LINGO2: variants seen among roughly 807,000 people sequenced by gnomAD.
The protein encoded by LINGO2 is leucine-rich repeat and immunoglobulin-like domain-containing nogo receptor-interacting protein 2.
In LINGO2, 14 loss-of-function variants were observed where a neutral mutation model predicts 30.6. The ratio of observed to expected loss-of-function variants is 0.46; its 90% confidence interval spans 0.30 to 0.72. LINGO2 has a LOEUF of 0.72. Ranked by LOEUF, LINGO2 falls within the 30% of genes least tolerant of loss-of-function variation. The pLI is 0.07. For missense variants in LINGO2, 729 were observed against 751.7 expected (o/e 0.97, Z 0.35); for synonymous variants, 317 against 288.5 (o/e 1.10, Z -1.00).
chr9:29,197,963 C>G, the LINGO2 span, among the ~76,000 whole-genome samples: 4 of 152,060 alleles, frequency 2.6e-5, no homozygotes, highest in South Asian at 8.3e-4. Context: ...GTGAATTTAA[C>G]TATTTGTGCA....
chr9:28,862,241 A>T, the LINGO2 span, among the ~76,000 whole-genome samples: 1 of 152,146 alleles, frequency 6.6e-6, no homozygotes, highest in South Asian at 2.1e-4. Flanking sequence ...ATACAGTCCT[A>T]TGAAAAATAA....
chr9:28,372,945 AT>A (rs1234073085), intron 2 of LINGO2, 77 bp from the exon 5 acceptor site: 3 of 152,414 alleles, frequency 2.0e-5, no homozygotes, highest in Non-Finnish European at 4.4e-5. Flanking sequence ...TCAAAAAGAC[AT>A]TTTCTTTATT....
At chr9:29,095,313 A>G in the LINGO2 span, among the ~76,000 whole-genome samples, 4 of 139,012 alleles carry the variant, frequency 2.9e-5, 1 homozygote, top group African/African-American at 1.1e-4. Context: ...CTATGGCAAT[A>G]GCTAACAAGA....
intron 3 of LINGO2, among the ~76,000 whole-genome samples, chr9:28,344,142 G>A (rs1039781491): frequency 2.0e-5 from 3 of 151,682 alleles, no homozygotes; most frequent in Non-Finnish European, 4.4e-5. Flanking sequence ...AACATTATTG[G>A]TAACAAAAAA....
chr9:28,131,786 A>G (rs1409365852), intron 4 of LINGO2, among the ~76,000 whole-genome samples: 3 of 152,190 alleles, frequency 2.0e-5, no homozygotes, highest in Non-Finnish European at 2.9e-5. Context: ...ATCAAAGGTA[A>G]CAAAATTTAT....
intron 4 of LINGO2, among the ~76,000 whole-genome samples, chr9:28,226,709 G>GAGAA (rs1169709134): frequency 6.6e-6 from 1 of 150,844 alleles, no homozygotes; most frequent in South Asian, 2.1e-4. Context: ...GAAAGAGAAA[G>GAGAA]AGAAAGAAAG....
At chr9:28,620,798 G>GA (rs886871128) in intron 1 of LINGO2, among the ~76,000 whole-genome samples, 69 of 152,068 alleles carry the variant, frequency 4.5e-4, no homozygotes, top group African/African-American at 1.7e-3. Context: ...GATACACAAA[G>GA]AAGAACAACA....
chr9:27,980,900 T>C (rs1820822583), intron 5 of LINGO2, among the ~76,000 whole-genome samples: 1 of 151,836 alleles, frequency 6.6e-6, no homozygotes, highest in South Asian at 2.1e-4. Flanking sequence ...ACATAATGAA[T>C]TAGGAACTAA....
intron 3 of LINGO2, among the ~76,000 whole-genome samples, chr9:28,348,153 G>A (rs1169365821): frequency 1.3e-5 from 2 of 152,080 alleles, no homozygotes; most frequent in African/African-American, 2.4e-5. Flanking sequence ...AGCCAAGATG[G>A]CCGAATAGGA....
At chr9:28,260,256 T>TA (rs397969027) in intron 4 of LINGO2, among the ~76,000 whole-genome samples, 2 of 151,554 alleles carry the variant, frequency 1.3e-5, no homozygotes, top group African/African-American at 4.8e-5. Context: ...TTTTTTTTTT[T>TA]ACTTGGGAAA....
At chr9:28,706,452 G>T in the LINGO2 span, among the ~76,000 whole-genome samples, 4 of 152,102 alleles carry the variant, frequency 2.6e-5, no homozygotes, top group Admixed American at 6.6e-5. Flanking sequence ...TGTTACTTAG[G>T]ATTAGTCTAT....
At chr9:28,139,875 T>A (rs1287098058) in intron 4 of LINGO2, among the ~76,000 whole-genome samples, 2 of 152,350 alleles carry the variant, frequency 1.3e-5, no homozygotes, top group African/African-American at 4.8e-5. Flanking sequence ...ACTCCCTTAC[T>A]AATCCTCTTG....
intron 1 of LINGO2, among the ~76,000 whole-genome samples, chr9:28,662,013 C>T (rs561464103): frequency 6.6e-6 from 1 of 152,280 alleles, no homozygotes; most frequent in Admixed American, 6.5e-5. Flanking sequence ...ATGGAAATGG[C>T]ACTTTCAGAA....
At chr9:27,943,414 C>T (rs1399886869), downstream of LINGO2, 2 of 152,108 alleles carry the variant, frequency 1.3e-5, no homozygotes, top group Non-Finnish European at 2.9e-5. Flanking sequence ...GAAGTACTCT[C>T]TTGATTATGC....
chr9:28,101,086 C>T (rs554019769), intron 4 of LINGO2, among the ~76,000 whole-genome samples: 1 of 151,234 alleles, frequency 6.6e-6, no homozygotes, highest in Non-Finnish European at 1.5e-5. Context: ...GAAATGATTT[C>T]TGTTTTTAAA....
chr9:27,981,653 G>T (rs1401791981), intron 5 of LINGO2, among the ~76,000 whole-genome samples: 2 of 150,108 alleles, frequency 1.3e-5, no homozygotes, highest in East Asian at 4.0e-4. Context: ...GACTGCTGTT[G>T]TTCCCCTCTT....
chr9:27,945,735 T>G (rs1348710078), downstream of LINGO2, among the ~76,000 whole-genome samples: 2 of 152,088 alleles, frequency 1.3e-5, no homozygotes, highest in Non-Finnish European at 2.9e-5. Context: ...AACCCTTTTG[T>G]GAAACTGAGT....
At chr9:28,944,943 A>C in the LINGO2 span, among the ~76,000 whole-genome samples, 1 of 152,184 alleles carries the variant, frequency 6.6e-6, no homozygotes. Flanking sequence ...TACTCTACTG[A>C]TGCTTTTCAA....
chr9:28,377,058 T>C (rs1564160559), intron 2 of LINGO2, among the ~76,000 whole-genome samples: 1 of 150,852 alleles, frequency 6.6e-6, no homozygotes, highest in South Asian at 2.1e-4. Flanking sequence ...TTAGTAGATA[T>C]GTACAAACAC....
Sources: allele counts gnomAD v4.1 joint callset (sites outside exome capture counted in the v4.1 genomes callset), GRCh38; gene constraint gnomAD v4.1.1; transcripts MANE v1.5; gene names NCBI Gene and HGNC (gene_info 2026-07-23, HGNC 2026-07-21).